Variants in OSBPL10 observed in about 807,000 individuals in gnomAD.
OSBPL10 encodes the protein oxysterol binding protein like 10.
A neutral mutation model predicts 81.7 loss-of-function variants in OSBPL10; 49 were observed. The ratio of observed to expected loss-of-function variants is 0.60; its 90% CI spans 0.48 to 0.76. OSBPL10 has a LOEUF of 0.76. Among genes scored for constraint, OSBPL10 ranks in the 30% least tolerant of loss-of-function variants. The probability of loss-of-function intolerance (pLI) is 0.00; values close to 1 mark genes in which losing one functional copy is unlikely to be tolerated. For synonymous variants in OSBPL10, 419 were observed against 383.6 expected, an observed-to-expected ratio of 1.09 and a Z score of -1.08; for missense variants, 923 against 987.8, an observed-to-expected ratio of 0.93 and a Z score of 0.88.
chr3:31,679,256 C>T (rs1312319378), intron 8 of OSBPL10, among the ~76,000 whole-genome samples: 1 of 152,164 alleles, frequency 6.6e-6, no homozygotes, highest in African/African-American at 2.4e-5. Flanking sequence ...TTGCAACCTC[C>T]CTGCCCCAGC....
At chr3:31,957,213 GTTTTT>G (rs947583559) in intron 1 of OSBPL10, among the ~76,000 whole-genome samples, 1 of 152,080 alleles carries the variant, frequency 6.6e-6, no homozygotes, top group African/African-American at 2.4e-5. Flanking sequence ...AGAACTTTTT[GTTTTT>G]TTAACTATCA....
chr3:31,747,880 CAA>C, intron 5 of OSBPL10, 28 bp downstream of exon 5: 1 of 1,607,656 alleles, frequency 6.2e-7, no homozygotes, highest in South Asian at 1.1e-5. Flanking sequence ...GTACTCATCC[CAA>C]ACATGGACAA....
chr3:31,975,798 A>G (rs1462227256), intron 1 of OSBPL10, among the ~76,000 whole-genome samples: 2 of 152,126 alleles, frequency 1.3e-5, no homozygotes, highest in African/African-American at 4.8e-5. Context: ...ACATTTATTC[A>G]TTTTTTTATC....
At chr3:31,957,929 G>A (rs1371141697) in intron 1 of OSBPL10, among the ~76,000 whole-genome samples, 3 of 152,134 alleles carry the variant, frequency 2.0e-5, no homozygotes, top group Admixed American at 6.5e-5. Context: ...GTGAGCCACC[G>A]CACCCGGCCA....
intron 2 of OSBPL10, among the ~76,000 whole-genome samples, chr3:32,039,713 T>G (rs1158408733): frequency 6.6e-6 from 1 of 151,998 alleles, no homozygotes; most frequent in Non-Finnish European, 1.5e-5. Context: ...GCAAACAAAA[T>G]CATTAAAAGT....
intron 7 of OSBPL10, among the ~76,000 whole-genome samples, chr3:31,687,483 GTAAA>G (rs1426304041): frequency 1.3e-5 from 2 of 152,058 alleles, no homozygotes; most frequent in South Asian, 2.1e-4. Flanking sequence ...AAAAAAATAA[GTAAA>G]TAAATAAGAA....
intron 1 of OSBPL10, among the ~76,000 whole-genome samples, chr3:31,924,313 G>A (rs1011787248): frequency 1.3e-5 from 2 of 152,136 alleles, no homozygotes; most frequent in Non-Finnish European, 2.9e-5. Context: ...CTCTGGAGTG[G>A]AAAAGAGTAC....
chr3:31,945,588 C>T (rs1429767597), intron 1 of OSBPL10, among the ~76,000 whole-genome samples: 2 of 152,224 alleles, frequency 1.3e-5, no homozygotes, highest in Non-Finnish European at 2.9e-5. Flanking sequence ...AGGATCTCAA[C>T]ATGGGGTCCA....
intron 1 of OSBPL10, chr3:32,066,603 T>C (rs988584698): frequency 1.3e-5 from 2 of 152,218 alleles, no homozygotes; most frequent in South Asian, 2.1e-4. Context: ...GCCAGAAAAG[T>C]CTGCCATGCC....
intron 4 of OSBPL10, among the ~76,000 whole-genome samples, chr3:31,761,823 A>AAAAAAAAAAACAAAAAAAAAAAAC (rs1553622727): frequency 6.7e-6 from 1 of 149,894 alleles, no homozygotes; most frequent in African/African-American, 2.5e-5. Flanking sequence ...TAAAAAAAAA[A>AAAAAAAAAAACAAAAAAAAAAAAC]AAAAAAAACC....
At chr3:31,737,393 T>C (rs1285460347) in intron 5 of OSBPL10, among the ~76,000 whole-genome samples, 1 of 152,002 alleles carries the variant, frequency 6.6e-6, no homozygotes, top group Non-Finnish European at 1.5e-5. Context: ...ATTTCTAACA[T>C]AAGGTGTTAG....
intron 4 of OSBPL10, among the ~76,000 whole-genome samples, chr3:31,755,603 A>C (rs1347907791): frequency 6.6e-6 from 1 of 152,240 alleles, no homozygotes; most frequent in Non-Finnish European, 1.5e-5. Context: ...TGCCCCTGGA[A>C]GGCAGGACAG....
chr3:31,790,570 A>G (rs1374851988), intron 4 of OSBPL10, among the ~76,000 whole-genome samples: 1 of 152,240 alleles, frequency 6.6e-6, no homozygotes, highest in Non-Finnish European at 1.5e-5. Flanking sequence ...GCAAAAGATT[A>G]AGAGGCCATC....
intron 4 of OSBPL10, among the ~76,000 whole-genome samples, chr3:31,825,986 T>C (rs77745929): frequency 0.12 from 18,025 of 152,226 alleles, 1,714 homozygotes; most frequent in Admixed American, 0.3. Context: ...AATTACTATA[T>C]AGTGATTTAG....
At chr3:31,948,896 A>G (rs1003620720) in intron 1 of OSBPL10, among the ~76,000 whole-genome samples, 1 of 152,224 alleles carries the variant, frequency 6.6e-6, no homozygotes, top group Admixed American at 6.5e-5. Context: ...ATGGTAATGC[A>G]GGGCCAAATA....
intron 1 of OSBPL10, among the ~76,000 whole-genome samples, chr3:31,883,911 A>T (rs1255849425): frequency 6.6e-6 from 1 of 152,192 alleles, no homozygotes; most frequent in East Asian, 1.9e-4. Context: ...CAGTTTCCCC[A>T]TCTACTCTAT....
chr3:31,856,372 C>T (rs1242791014), intron 3 of OSBPL10, among the ~76,000 whole-genome samples: 3 of 152,014 alleles, frequency 2.0e-5, no homozygotes. Flanking sequence ...GTTTTAAGTA[C>T]CCAAAAAGTA....
intron 1 of OSBPL10, chr3:32,065,208 T>C (rs1699769189): frequency 1.1e-5 from 1 of 93,496 alleles, no homozygotes; most frequent in South Asian, 4.2e-4. Flanking sequence ...AAAATGACAC[T>C]TGAAGAGTCT....
Position 31,664,248 on chromosome 3 carries a change from G to A in OSBPL10, c.2097-16C>T, listed in dbSNP as rs753176081. ...CCAGAGGTTCCTGGGGATGCGTGGAGGAGAGGAAACAATCAGCCAGGCCAG... is the reference window on the plus strand; with the variant it reads ...CCAGAGGTTCCTGGGGATGCGTGGAAGAGAGGAAACAATCAGCCAGGCCAG... On this transcript the variant is annotated splice_polypyrimidine_tract_variant and intron_variant, in intron 10 of 11. Coordinates refer to ENST00000396556, the MANE Select transcript of OSBPL10 (RefSeq NM_017784.5). 5.0e-6 allele frequency: 8 copies of A among 1,610,930 alleles called. No individual in the cohort carries two copies. In the East Asian group the frequency reaches 1.8e-4, roughly 36 times the overall value.
Sources: gnomAD v4.1 joint callset for allele counts (sites outside exome capture counted in the v4.1 genomes callset) on GRCh38, gnomAD v4.1.1 for gene constraint, MANE v1.5 for transcripts, NCBI Gene and HGNC (gene_info 2026-07-23, HGNC 2026-07-21) for gene names.